The following GSDMC variants were observed in gnomAD, a reference collection of about 807,000 sequenced individuals.
GSDMC encodes the protein gasdermin C.
Under a neutral mutation model 58.0 loss-of-function variants are expected in GSDMC, and 59 were observed. That is an observed-to-expected ratio of 1.02 (90% CI 0.82 to 1.26). The LOEUF (loss-of-function observed/expected upper bound fraction) is 1.26. Ranked by LOEUF, GSDMC falls within the 50% of genes most tolerant of loss-of-function variation. GSDMC has a pLI of 0.00. For missense variants in GSDMC, 659 were observed against 598.5 expected, an observed-to-expected ratio of 1.10 and a Z score of -1.06; for synonymous variants, 241 against 220.2, an observed-to-expected ratio of 1.09 and a Z score of -0.83.
At chr8:129,729,307 T>TG in the GSDMC span, 17 of 550,260 alleles carry the variant, frequency 3.1e-5, no homozygotes, top group Admixed American at 3.0e-4. Flanking sequence ...ACATGAAATT[T>TG]GTTTTTTTTA....
chr8:129,728,076 C>G, the GSDMC span, among the ~76,000 whole-genome samples: 1 of 152,194 alleles, frequency 6.6e-6, no homozygotes, highest in South Asian at 2.1e-4. Context: ...CTGCCCCATC[C>G]ATCCTGGACA....
chr8:129,780,174 G>C (rs553852243), intron 1 of GSDMC, among the ~76,000 whole-genome samples: 9 of 152,278 alleles, frequency 5.9e-5, no homozygotes, highest in African/African-American at 2.2e-4. Flanking sequence ...GGCAAATCTA[G>C]GAGTTACTGG....
intron 6 of GSDMC, among the ~76,000 whole-genome samples, chr8:129,753,671 G>T (rs1385475236): frequency 1.3e-5 from 2 of 152,202 alleles, no homozygotes; most frequent in African/African-American, 4.8e-5. Context: ...CAGCCACAGT[G>T]GTGTAGTGCA....
At chr8:129,783,973 C>T (rs1323737283) in intron 1 of GSDMC, among the ~76,000 whole-genome samples, 1 of 152,002 alleles carries the variant, frequency 6.6e-6, no homozygotes, top group African/African-American at 2.4e-5. Context: ...ACCAAGGTGC[C>T]AAGAACATAC....
chr8:129,761,264 A>C (rs1462518925), intron 5 of GSDMC, among the ~76,000 whole-genome samples: 2 of 152,116 alleles, frequency 1.3e-5, no homozygotes, highest in East Asian at 3.8e-4. Context: ...GTTCATCAGG[A>C]TCTTTCCCCT....
the GSDMC span, among the ~76,000 whole-genome samples, chr8:129,728,364 C>T: frequency 2.0e-5 from 3 of 152,158 alleles, no homozygotes; most frequent in Non-Finnish European, 4.4e-5. Context: ...GATCTCCGGG[C>T]ATCTGGAGCA....
chr8:129,744,282 TGA>T (rs1359024575), downstream of GSDMC, among the ~76,000 whole-genome samples: 1 of 152,170 alleles, frequency 6.6e-6, no homozygotes, highest in Non-Finnish European at 1.5e-5. Flanking sequence ...TATATTTTGG[TGA>T]GGTTTTTATT....
chr8:129,753,681 A>C (rs1586580517), intron 6 of GSDMC, among the ~76,000 whole-genome samples: 1 of 152,190 alleles, frequency 6.6e-6, no homozygotes, highest in African/African-American at 2.4e-5. Context: ...GGTGTAGTGC[A>C]CCAAGCAGGC....
the GSDMC span, among the ~76,000 whole-genome samples, chr8:129,726,435 G>A: frequency 3.3e-5 from 5 of 152,232 alleles, no homozygotes; most frequent in South Asian, 2.1e-4. Context: ...CAGTAGGTCC[G>A]GAAGCATATA....
chr8:129,766,929 G>A (rs1206620389), intron 3 of GSDMC, among the ~76,000 whole-genome samples: 1 of 152,200 alleles, frequency 6.6e-6, no homozygotes, highest in Admixed American at 6.5e-5. Flanking sequence ...TCACCTAGAA[G>A]CAAAGAAGTG....
the GSDMC span, among the ~76,000 whole-genome samples, chr8:129,712,815 T>C: frequency 6.6e-6 from 1 of 152,194 alleles, no homozygotes; most frequent in Non-Finnish European, 1.5e-5. Context: ...TAGAGTTTCT[T>C]AAAACTCTCC....
At chr8:129,708,966 C>T in the GSDMC span, among the ~76,000 whole-genome samples, 1 of 152,208 alleles carries the variant, frequency 6.6e-6, no homozygotes, top group African/African-American at 2.4e-5. Flanking sequence ...GGAAATAATG[C>T]CTTCCTCAAA....
At chr8:129,707,300 G>A in the GSDMC span, 13 of 152,174 alleles carry the variant, frequency 8.5e-5, no homozygotes, top group Middle Eastern at 3.4e-3. Flanking sequence ...CAATCTGCAG[G>A]GCCCAATAGG....
chr8:129,772,102 A>C (rs1431756463), intron 3 of GSDMC, among the ~76,000 whole-genome samples: 1 of 152,044 alleles, frequency 6.6e-6, no homozygotes, highest in African/African-American at 2.4e-5. Flanking sequence ...GTCTCTACTA[A>C]AAATACAAAA....
intron 6 of GSDMC, among the ~76,000 whole-genome samples, chr8:129,757,120 G>A (rs1586586033): frequency 6.6e-6 from 1 of 151,610 alleles, no homozygotes; most frequent in Admixed American, 6.6e-5. Context: ...CAAAAAGTTG[G>A]CTTTTTGAAA....
At chr8:129,780,718 T>C (rs1379620873) in intron 1 of GSDMC, among the ~76,000 whole-genome samples, 1 of 152,182 alleles carries the variant, frequency 6.6e-6, no homozygotes, top group Non-Finnish European at 1.5e-5. Context: ...AACTCAATGG[T>C]AGTAGGAAGC....
Position 129,750,111 on chromosome 8 carries a change from C to T in GSDMC, c.1092G>A (p.Leu364=). ...GGCCATCCAAATGACCTGAGCTGTC[C>T]AATTCCAGCTATAGAAGACAGGTAT... ...ALQDLMNMLE[L]DSSGHLDGPG... is the part of the protein sequence containing the mutation. Residue 364 remains leucine (L), a synonymous_variant, in exon 12 of 14, where the codon TTG becomes TTA. Coordinates refer to ENST00000276708, the MANE Select transcript of GSDMC (RefSeq NM_031415.3). 2 of 1,567,668 alleles carry T rather than the reference C, an allele frequency of 1.3e-6. No homozygotes were observed. Among genetic ancestry groups the T allele is most frequent in the South Asian group, 2.4e-5 (2 of 83,290 alleles).
chr8:129,751,575 G>A lies in GSDMC; in HGVS notation c.917-7C>T. On this transcript the variant is annotated splice_polypyrimidine_tract_variant and splice_region_variant and intron_variant, in intron 9 of 13. Coordinates refer to ENST00000276708, the MANE Select transcript of GSDMC (RefSeq NM_031415.3). ...AAGGGTTCCTCTATTCTTCCTAGAA[G>A]GAGAATCAAGTCATCATCTCACTTC... The A allele has an allele frequency of 6.2e-7, 1 of 1,611,684 alleles. No homozygotes were observed. The highest frequency in any genetic ancestry group is 8.5e-7 in the Non-Finnish European group (1 of 1,178,504).
chr8:129,761,989 A>G (rs1452781376), intron 5 of GSDMC, among the ~76,000 whole-genome samples: 4 of 152,164 alleles, frequency 2.6e-5, no homozygotes, highest in African/African-American at 9.7e-5. Context: ...GGGACTCAGC[A>G]TTTGGGAAGG....
Sources: allele counts gnomAD v4.1 joint callset (sites outside exome capture counted in the v4.1 genomes callset), GRCh38; gene constraint gnomAD v4.1.1; transcripts MANE v1.5; gene names NCBI Gene and HGNC (gene_info 2026-07-23, HGNC 2026-07-21).